MYOM1: variants seen among roughly 807,000 people sequenced by gnomAD.
MYOM1 encodes myomesin 1, also known as myomesin-1.
A neutral mutation model predicts 205.3 loss-of-function variants in MYOM1; 164 were observed. The ratio of observed to expected loss-of-function variants is 0.80; its 90% CI spans 0.70 to 0.91. The LOEUF (loss-of-function observed/expected upper bound fraction) is 0.91. Ranked by LOEUF, MYOM1 falls within the 40% of genes least tolerant of loss-of-function variation. The pLI is 0.00. For synonymous variants in MYOM1, 772 were observed against 789.4 expected, an observed-to-expected ratio of 0.98 and a Z score of 0.37; for missense variants, 2,011 against 2,127.3, an observed-to-expected ratio of 0.95 and a Z score of 1.08.
chr18:3,146,076 T>A (rs2143960957), intron 13 of MYOM1, among the ~76,000 whole-genome samples: 1 of 152,192 alleles, frequency 6.6e-6, no homozygotes. Context: ...AAATTTATTT[T>A]AAAAATTGAA....
At chr18:3,149,694 A>G (rs1455552934) in intron 12 of MYOM1, among the ~76,000 whole-genome samples, 1 of 152,212 alleles carries the variant, frequency 6.6e-6, no homozygotes, top group African/African-American at 2.4e-5. Flanking sequence ...GAAAAATATT[A>G]TCTCCAAAGG....
At chr18:3,163,568 C>T (rs2080425817) in intron 10 of MYOM1, among the ~76,000 whole-genome samples, 1 of 151,838 alleles carries the variant, frequency 6.6e-6, no homozygotes, top group South Asian at 2.1e-4. Flanking sequence ...TCCTCCCACT[C>T]CAGCCTCCCA....
chr18:3,086,328 A>C (rs538784409), intron 29 of MYOM1, among the ~76,000 whole-genome samples, 177 bp from the exon 30 acceptor site: 1 of 152,378 alleles, frequency 6.6e-6, no homozygotes, highest in Admixed American at 6.5e-5. Flanking sequence ...GTTTAGAATC[A>C]AGTGGACACC....
intron 9 of MYOM1, 46 bp downstream of exon 9, chr18:3,168,771 A>G: frequency 6.2e-7 from 1 of 1,602,786 alleles, no homozygotes; most frequent in Non-Finnish European, 8.5e-7. Flanking sequence ...TCTGGTCTAC[A>G]ACCTTCGAAT....
Position 3,179,028 on chromosome 18 carries a change from C to A in MYOM1, c.930-2894G>T, listed in dbSNP as rs1374576211. On this transcript the variant is annotated intron_variant, in intron 5 of 37. Transcript: ENST00000356443. The surrounding 1 kb of genome is among the most constrained non-coding windows in gnomAD (Gnocchi z 4.4). ...GACTACAAGTGTGCACCACCACACT[C>A]AGCTAATTTTTTCTATTTTTTGTAG... 2.0e-5 allele frequency among the ~76,000 whole-genome samples: 3 copies of A among 152,108 alleles called. No individual in the cohort carries two copies. The highest frequency in any genetic ancestry group is 3.2e-3 in the Middle Eastern group (1 of 316).
chr18:3,189,079 T>G lies in MYOM1; in HGVS notation c.440A>C (p.His147Pro). 1 of 1,610,594 alleles carries G rather than the reference T, an allele frequency of 6.2e-7. No individual in the cohort carries two copies. The highest frequency in any genetic ancestry group is 8.5e-7 in the Non-Finnish European group (1 of 1,177,800). Residue 147 changes from histidine (H) to proline (P), a missense_variant, in exon 4 of 38, where the codon CAT becomes CCT. Physicochemically the swap from His to Pro is moderately conservative, Grantham distance 77. Transcript: ENST00000356443. The surrounding 1 kb of genome is among the most constrained non-coding windows in gnomAD (Gnocchi z 4.8). The part of the protein sequence containing the change: ...MVPIFSGRQK[H>P]VSGITDTEEE... Reference sequence around the variant, plus strand: ...TTCCGTATCAGTAATTCCACTGACATGCTTTTGACTAAAACACAACAATGG... The same window carrying G: ...TTCCGTATCAGTAATTCCACTGACAGGCTTTTGACTAAAACACAACAATGG...
intron 20 of MYOM1, 44 bp downstream of exon 20, chr18:3,119,825 G>C: frequency 6.4e-7 from 1 of 1,563,326 alleles, no homozygotes. Flanking sequence ...TTCTCTTGGA[G>C]GAAATTCCGA....
chr18:3,091,079 G>A (rs539173064), intron 26 of MYOM1, among the ~76,000 whole-genome samples: 2 of 152,228 alleles, frequency 1.3e-5, no homozygotes, highest in African/African-American at 4.8e-5. Flanking sequence ...ACTTTGGGAG[G>A]CTGAGGTGGG....
chr18:3,239,772 A>AAT, the MYOM1 span, among the ~76,000 whole-genome samples: 1 of 150,646 alleles, frequency 6.6e-6, no homozygotes, highest in African/African-American at 2.5e-5. Flanking sequence ...AAAAAAAAAA[A>AAT]AAAAAAAAAA....
At chr18:3,178,650 T>A (rs2080685373) in intron 5 of MYOM1, among the ~76,000 whole-genome samples, 1 of 152,190 alleles carries the variant, frequency 6.6e-6, no homozygotes, top group African/African-American at 2.4e-5. Flanking sequence ...CTCCTCCATA[T>A]AACAGAACCC....
intron 19 of MYOM1, among the ~76,000 whole-genome samples, chr18:3,121,360 A>G (rs2079689270): frequency 6.6e-6 from 1 of 152,234 alleles, no homozygotes; most frequent in South Asian, 2.1e-4. Context: ...ATAGCACACC[A>G]AAGATAAAGT....
chr18:3,192,462 C>T (rs2080924570), intron 3 of MYOM1, among the ~76,000 whole-genome samples: 1 of 152,216 alleles, frequency 6.6e-6, no homozygotes, highest in Non-Finnish European at 1.5e-5. Flanking sequence ...TGACACAAGT[C>T]AGAAAGGAAC....
In MYOM1 at chr18:3,086,163, A is replaced by G. The variant is rs1419619251; in HGVS notation, c.4138-12T>C. On this transcript the variant is annotated splice_polypyrimidine_tract_variant and intron_variant, in intron 29 of 37. Transcript: ENST00000356443. The stretch of plus-strand genomic sequence containing the variant: ...TTAATATTTGCCACCTAGGAGAAAA[A>G]CCATAATTACTTTTCTTAAAATAAG... 2.0e-6 allele frequency: 3 copies of G among 1,506,770 alleles called. No homozygotes were observed. The highest frequency in any genetic ancestry group is 1.4e-5 in the African/African-American group (1 of 72,230). 93.3% of individuals were successfully genotyped at this position (1,506,770 alleles called of 1,614,324 possible).
intron 2 of MYOM1, among the ~76,000 whole-genome samples, chr18:3,214,147 T>A (rs1264754849): frequency 6.6e-6 from 1 of 152,240 alleles, no homozygotes; most frequent in Non-Finnish European, 1.5e-5. Flanking sequence ...GTTCCGAATT[T>A]TAAGTATTTG....
In MYOM1 at chr18:3,142,077, A is replaced by G. The variant is rs200115559; in HGVS notation, c.1901-14T>C. 4.9e-4 allele frequency: 795 copies of G among 1,612,210 alleles called. 4 individuals carry two copies. In the African/African-American group the frequency reaches 9.0e-3, roughly 18 times the overall value. On this transcript the variant is annotated splice_polypyrimidine_tract_variant and intron_variant, in intron 13 of 37. Transcript: ENST00000356443. ...GCACAATACCCTCTGAAAAACAACA[A>G]GGAAAAATGAGAAGCACACATTCTG...
chr18:3,201,268 G>T (rs1206854874), intron 2 of MYOM1, among the ~76,000 whole-genome samples: 1 of 151,904 alleles, frequency 6.6e-6, no homozygotes, highest in Admixed American at 6.6e-5. Flanking sequence ...GCATGGTGGT[G>T]CACTCCTGTA....
At chr18:3,222,043 A>G (rs2081334638), upstream of MYOM1, among the ~76,000 whole-genome samples, 1 of 152,206 alleles carries the variant, frequency 6.6e-6, no homozygotes, top group Non-Finnish European at 1.5e-5. Flanking sequence ...ATAAACTTAT[A>G]TGCTTTTTAA....
chr18:3,104,783 C>T (rs1479998909), intron 22 of MYOM1, among the ~76,000 whole-genome samples: 2 of 113,962 alleles, frequency 1.8e-5, no homozygotes, highest in Admixed American at 1.3e-4. Context: ...GACAGGGTCT[C>T]ACTCTGTCAC....
chr18:3,245,836 T>C, the MYOM1 span: 1 of 152,238 alleles, frequency 6.6e-6, no homozygotes, highest in Non-Finnish European at 1.5e-5. Context: ...TTACGCTTCG[T>C]TTGTGCTCCT....
Sources: allele counts gnomAD v4.1 joint callset (sites outside exome capture counted in the v4.1 genomes callset), GRCh38; gene constraint gnomAD v4.1.1; non-coding constraint Gnocchi (gnomAD v3.1); transcripts MANE v1.5; gene names NCBI Gene and HGNC (gene_info 2026-07-23, HGNC 2026-07-21).